PTPRD: variants seen among roughly 807,000 people sequenced by gnomAD.
The protein encoded by PTPRD is receptor-type tyrosine-protein phosphatase delta.
In PTPRD, 34 loss-of-function variants were observed where a neutral mutation model predicts 214.5. The observed-to-expected ratio is 0.16, with a 90% CI of 0.12 to 0.21. PTPRD has a LOEUF of 0.21. Among genes scored for constraint, PTPRD ranks in the 10% least tolerant of loss-of-function variants. The pLI is 1.00. For synonymous variants in PTPRD, 1,128 were observed against 845.7 expected, an observed-to-expected ratio of 1.33 and a Z score of -5.79; for missense variants, 2,545 against 2,398.7, an observed-to-expected ratio of 1.06 and a Z score of -1.27.
chr9:8,474,192 T>A (rs188064033), intron 30 of PTPRD, among the ~76,000 whole-genome samples: 190 of 152,234 alleles, frequency 1.2e-3, no homozygotes, highest in East Asian at 0.012. Flanking sequence ...GCTTTTGTAG[T>A]AACAAACCCC....
chr9:8,871,658 G>A (rs998180857), intron 11 of PTPRD, among the ~76,000 whole-genome samples: 1 of 152,058 alleles, frequency 6.6e-6, no homozygotes, highest in Non-Finnish European at 1.5e-5. Flanking sequence ...CATGATCATA[G>A]CAGTGGGAGC....
chr9:9,893,545 A>G (rs971049959), intron 5 of PTPRD, among the ~76,000 whole-genome samples: 2 of 152,194 alleles, frequency 1.3e-5, no homozygotes, highest in South Asian at 4.1e-4. Context: ...ATAAAAGTTT[A>G]TATATAATTC....
At chr9:8,925,858 A>ATTTTTTTT (rs33971552) in intron 11 of PTPRD, among the ~76,000 whole-genome samples, 7 of 120,162 alleles carry the variant, frequency 5.8e-5, no homozygotes, top group Admixed American at 9.2e-5. Context: ...CTATTGCAAT[A>ATTTTTTTT]TTTTTTTTTT....
Position 8,471,070 on chromosome 9 carries a change from T to G in PTPRD, c.3429A>C (p.Ile1143=). ...ANENIKGYYI[I]IVPLKKSRGK... is the part of the protein sequence containing the mutation. ...CGCGAGATTTCTTCAAAGGCACAAT[T>G]ATTATGTAGTAACCTCTGCACAAGA... Residue 1143 remains isoleucine, a synonymous_variant, in exon 31 of 46, where the codon ATA becomes ATC. Transcript: ENST00000381196. The G allele has an allele frequency of 6.2e-7, 1 of 1,613,166 alleles. No individual in the cohort carries two copies. The highest frequency in any genetic ancestry group is 1.1e-5 in the South Asian group (1 of 91,070).
At chr9:9,144,668 A>G (rs1277083440) in intron 10 of PTPRD, among the ~76,000 whole-genome samples, 1 of 152,064 alleles carries the variant, frequency 6.6e-6, no homozygotes, top group South Asian at 2.1e-4. Flanking sequence ...CACGAGAATC[A>G]CTTGAACCTG....
chr9:10,035,924 T>G (rs2097172673), intron 3 of PTPRD, among the ~76,000 whole-genome samples: 1 of 151,938 alleles, frequency 6.6e-6, no homozygotes, highest in African/African-American at 2.4e-5. Context: ...CGGAAATCTA[T>G]ATCTTCATTT....
chr9:8,778,787 G>C (rs1425119212), intron 11 of PTPRD, among the ~76,000 whole-genome samples: 1 of 152,108 alleles, frequency 6.6e-6, no homozygotes, highest in Non-Finnish European at 1.5e-5. Context: ...TCCACTCTGA[G>C]CTTCAGTTTT....
Position 10,103,395 on chromosome 9 carries a change from T to TATATATA in PTPRD, c.-544-69606_-544-69605insTATATAT, listed in dbSNP as rs34926923. Among the ~76,000 whole-genome samples the TATATATA allele has an allele frequency of 8.0e-4, 93 of 116,716 alleles. 9 individuals are homozygous for TATATATA. The highest frequency in any genetic ancestry group is 5.5e-3 in the East Asian group (18 of 3,288). The allele number at this position is 116,716 out of a possible 152,430, so 76.6% of individuals were successfully genotyped here. ...CTGCATATTATATATATATATATAT[T>TATATATA]TATTTAAGAGCATTGCAGTAAGAAA... On this transcript the variant is annotated intron_variant, in intron 3 of 45. Transcript: ENST00000381196.
intron 3 of PTPRD, among the ~76,000 whole-genome samples, chr9:10,077,645 C>T (rs1374380925): frequency 3.9e-5 from 6 of 152,074 alleles, no homozygotes; most frequent in Admixed American, 1.3e-4. Context: ...CACCGTCCTC[C>T]GTTCCTCCTC....
intron 14 of PTPRD, among the ~76,000 whole-genome samples, chr9:8,530,489 T>C (rs186191240): frequency 9.1e-4 from 139 of 152,200 alleles, no homozygotes; most frequent in Middle Eastern, 3.4e-3. Context: ...AGAGCTACCA[T>C]AGCAGCGGCT....
chr9:8,502,848 G>GTATATATATATACATA lies in PTPRD; in HGVS notation c.1822+1412_1822+1413insTATGTATATATATATA, dbSNP rs1554658830. The stretch of plus-strand genomic sequence containing the variant: ...GTCTATTCAATATGTATGTGTGTGT[G>GTATATATATATACATA]TATATATATATATATACACACACAC... On this transcript the variant is annotated intron_variant, in intron 23 of 45. Coordinates refer to ENST00000381196, the MANE Select transcript of PTPRD (RefSeq NM_002839.4). Among the ~76,000 whole-genome samples, 341 of 147,144 alleles carry GTATATATATATACATA rather than the reference G, an allele frequency of 2.3e-3. 2 individuals carry two copies. Among genetic ancestry groups the GTATATATATATACATA allele is most frequent in the African/African-American group, 8.0e-3 (321 of 39,924 alleles).
intron 4 of PTPRD, among the ~76,000 whole-genome samples, chr9:9,975,577 CG>C (rs2095322716): frequency 6.6e-6 from 1 of 152,116 alleles, no homozygotes; most frequent in Admixed American, 6.5e-5. Flanking sequence ...AAACAGAGTA[CG>C]TATTTTAACA....
chr9:9,943,609 G>A (rs1456051388), intron 4 of PTPRD, among the ~76,000 whole-genome samples: 2 of 151,348 alleles, frequency 1.3e-5, no homozygotes, highest in Admixed American at 1.3e-4. Flanking sequence ...TAGAAGCTGT[G>A]GGTTTGTGGC....
chr9:9,447,477 C>T (rs778341789), intron 8 of PTPRD, among the ~76,000 whole-genome samples: 14 of 151,876 alleles, frequency 9.2e-5, no homozygotes, highest in Non-Finnish European at 1.6e-4. Flanking sequence ...AACACATGGA[C>T]ACAAAGAGGG....
intron 7 of PTPRD, among the ~76,000 whole-genome samples, chr9:9,617,349 A>G (rs1353870591): frequency 6.6e-6 from 1 of 152,198 alleles, no homozygotes; most frequent in East Asian, 1.9e-4. Flanking sequence ...AAGATAATGT[A>G]CCAACAGAAG....
At chr9:9,783,126 C>G (rs2098872221) in intron 5 of PTPRD, among the ~76,000 whole-genome samples, 1 of 152,120 alleles carries the variant, frequency 6.6e-6, no homozygotes, top group South Asian at 2.1e-4. Flanking sequence ...AATGTTGAAA[C>G]TTTTCTCCCA....
At chr9:10,250,695 C>A (rs1321507752) in intron 3 of PTPRD, among the ~76,000 whole-genome samples, 3 of 151,910 alleles carry the variant, frequency 2.0e-5, no homozygotes, top group African/African-American at 7.2e-5. Flanking sequence ...AATTCTGGAA[C>A]TATAGGCTAT....
chr9:8,543,777 G>A (rs1564203014), intron 14 of PTPRD, among the ~76,000 whole-genome samples: 1 of 151,944 alleles, frequency 6.6e-6, no homozygotes, highest in African/African-American at 2.4e-5. Context: ...CAATGGCATG[G>A]TCTAGGCTCA....
chr9:8,473,641 A>C (rs1565098443), intron 30 of PTPRD, among the ~76,000 whole-genome samples: 1 of 151,876 alleles, frequency 6.6e-6, no homozygotes, highest in East Asian at 1.9e-4. Flanking sequence ...AGTTTCATTA[A>C]TTTTTTCTTC....
Sources: allele counts gnomAD v4.1 joint callset (sites outside exome capture counted in the v4.1 genomes callset), GRCh38; gene constraint gnomAD v4.1.1; transcripts MANE v1.5; gene names NCBI Gene and HGNC (gene_info 2026-07-23, HGNC 2026-07-21).